The following RHOQ variants were observed in gnomAD, a reference collection of about 807,000 sequenced individuals.
RHOQ encodes ras homolog family member Q.
Under a neutral mutation model 25.8 loss-of-function variants are expected in RHOQ, and 7 were observed. That is an observed-to-expected ratio of 0.27 (90% CI 0.15 to 0.51). The LOEUF is 0.51. RHOQ is among the 20% of genes least tolerant of loss of function. The pLI is 0.97. For synonymous variants in RHOQ, 97 were observed against 98.6 expected (o/e 0.98, Z 0.10); for missense variants, 165 against 260.6 (o/e 0.63, Z 2.53).
chr2:46,543,148 C>T lies in RHOQ; in HGVS notation c.102C>T (p.Phe34=). Residue 34 remains phenylalanine (F), a synonymous_variant, in exon 1 of 5, where the codon TTC becomes TTT. Transcript: ENST00000238738. ...CLLMSYANDA[F]PEEYVPTVFD... The stretch of plus-strand genomic sequence containing the variant: ...TCATGAGCTATGCCAACGACGCCTT[C>T]CCGGAGGAGTACGTGCCCACCGTCT... 1 of 1,612,208 alleles carries T rather than the reference C, an allele frequency of 6.2e-7. No individual in the cohort carries two copies. The highest frequency in any genetic ancestry group is 1.1e-5 in the South Asian group (1 of 91,008).
rs1411410134 is a variant in RHOQ, at chr2:46,556,364, GTACA to G, written c.201+12553_201+12556del. 6.6e-6 allele frequency among the ~76,000 whole-genome samples: 1 copy of G among 152,104 alleles called. No homozygotes were observed. Among genetic ancestry groups the G allele is most frequent in the Non-Finnish European group, 1.5e-5 (1 of 68,032 alleles). ...TGGGGACTATTTTCAGGGTTTCAAGGTACAAAGTGAAGTTCTGCTAGTTGTGCAC... is the reference window on the plus strand; with the variant it reads ...TGGGGACTATTTTCAGGGTTTCAAGGAAGTGAAGTTCTGCTAGTTGTGCAC... On this transcript the variant is annotated intron_variant, in intron 2 of 4. Coordinates refer to ENST00000238738, the MANE Select transcript of RHOQ (RefSeq NM_012249.4). The surrounding 1 kb of genome is among the most constrained non-coding windows in gnomAD (Gnocchi z 4.9).
rs114389292 is a variant in RHOQ, at chr2:46,551,899, T to G, written c.201+8087T>G. Among the ~76,000 whole-genome samples, 1,487 of 152,248 alleles carry G rather than the reference T, an allele frequency of 9.8e-3. 38 individuals are homozygous for G. The highest frequency in any genetic ancestry group is 0.034 in the African/African-American group (1,408 of 41,546). On this transcript the variant is annotated intron_variant, in intron 2 of 4. Coordinates refer to ENST00000238738, the MANE Select transcript of RHOQ (RefSeq NM_012249.4). The stretch of plus-strand genomic sequence containing the variant: ...GAGTAAAGGAAGCCAGTGGTGGCTG[T>G]CTCATTTTGCAGATCTGGGGAGGTT...
chr2:46,548,775 G>A lies in RHOQ; in HGVS notation c.201+4963G>A, dbSNP rs1266422187. Among the ~76,000 whole-genome samples, 1 of 152,176 alleles carries A rather than the reference G, an allele frequency of 6.6e-6. No homozygotes were observed. Among genetic ancestry groups the A allele is most frequent in the Non-Finnish European group, 1.5e-5 (1 of 68,030 alleles). On this transcript the variant is annotated intron_variant, in intron 2 of 4. Transcript: ENST00000238738. The surrounding 1 kb of genome is among the most constrained non-coding windows in gnomAD (Gnocchi z 5.2). ...AACCTACTGTAGATTTGTCATGTGT[G>A]CATTTTGCTAACCTTTTTAGAAGCT... is the stretch of plus-strand genomic sequence containing the variant.
rs1668264981 is a variant in RHOQ, at chr2:46,552,229, TG to T, written c.201+8418del. On this transcript the variant is annotated intron_variant, in intron 2 of 4. Coordinates refer to ENST00000238738, the MANE Select transcript of RHOQ (RefSeq NM_012249.4). This position sits in a 1 kb window ranked among gnomAD's most constrained non-coding sequence, Gnocchi z 5.0. ...GCCCCACGTGACGTTACGGGTGTTT[TG>T]TCACTTTGTCCCTAAACCACCATGC... Among the ~76,000 whole-genome samples, 1 of 152,334 alleles carries T rather than the reference TG, an allele frequency of 6.6e-6. No individual in the cohort carries two copies. Among genetic ancestry groups the T allele is most frequent in the Middle Eastern group, 3.4e-3 (1 of 294 alleles).
At chr2:46,543,335 C>G (rs1667900359) in intron 1 of RHOQ, 147 bp downstream of exon 1, 2 of 817,656 alleles carry the variant, frequency 2.4e-6, no homozygotes, top group Non-Finnish European at 3.9e-6. Context: ...GCCCCACCCC[C>G]GAAGCTTCGC....
chr2:46,554,358 T>C (rs1196208371), intron 2 of RHOQ, among the ~76,000 whole-genome samples: 1 of 152,156 alleles, frequency 6.6e-6, no homozygotes, highest in Admixed American at 6.5e-5. Context: ...GCTCCATTAG[T>C]GTGCTATGTG....
Position 46,576,775 on chromosome 2 carries a change from A to C in RHOQ, c.462+119A>C. The C allele has an allele frequency of 1.4e-5, 9 of 639,420 alleles. No individual in the cohort carries two copies. Among genetic ancestry groups the C allele is most frequent in the Admixed American group, 3.3e-5 (1 of 30,740 alleles). 39.6% of individuals were successfully genotyped at this position (639,420 alleles called of 1,614,324 possible). ...TGGAGTGCTTTACATGCATTATCTC[A>C]TTTAATCCTTGCATGAACTCAGTGA... On this transcript the variant is annotated intron_variant, in intron 4 of 4. Transcript: ENST00000238738. The surrounding 1 kb of genome is among the most constrained non-coding windows in gnomAD (Gnocchi z 5.1).
intron 2 of RHOQ, chr2:46,572,718 T>A (rs1334435585): frequency 4.5e-6 from 2 of 443,654 alleles, no homozygotes; most frequent in Admixed American, 5.1e-5. Flanking sequence ...ATAATGGGTT[T>A]GTTAATTAGG....
intron 4 of RHOQ, among the ~76,000 whole-genome samples, chr2:46,578,058 A>C (rs561801317): frequency 3.3e-5 from 5 of 152,368 alleles, no homozygotes; most frequent in African/African-American, 1.2e-4. Context: ...AATCAGAAGC[A>C]GCCACAGATA....
intron 4 of RHOQ, among the ~76,000 whole-genome samples, chr2:46,577,773 GGAGGA>G (rs1669188685): frequency 1.3e-5 from 2 of 151,704 alleles, no homozygotes; most frequent in African/African-American, 4.8e-5. Flanking sequence ...AAAACTTTCT[GGAGGA>G]CAGTTTTTCC....
intron 2 of RHOQ, chr2:46,560,631 T>C (rs1409107749): frequency 1.1e-5 from 5 of 456,156 alleles, no homozygotes. Flanking sequence ...GGGTTTCCAG[T>C]GGCCAGGATC....
chr2:46,563,298 C>G (rs916676120), intron 2 of RHOQ, among the ~76,000 whole-genome samples: 6 of 152,190 alleles, frequency 3.9e-5, no homozygotes, highest in Admixed American at 3.9e-4. Context: ...CTTCTTTGAT[C>G]CTATTTCCTC....
intron 1 of RHOQ, chr2:46,543,448 C>G: frequency 3.3e-6 from 2 of 601,294 alleles, no homozygotes; most frequent in Non-Finnish European, 5.9e-6. Flanking sequence ...GGGCCGTCCT[C>G]CTTGACCTTC....
chr2:46,549,871 A>G (rs1668187594), intron 2 of RHOQ, among the ~76,000 whole-genome samples: 1 of 152,052 alleles, frequency 6.6e-6, no homozygotes, highest in Non-Finnish European at 1.5e-5. Flanking sequence ...TTTCTCTACC[A>G]TGTTGCAGTG....
rs773336938 is a variant in RHOQ, at chr2:46,583,714, A to G, written c.*2631A>G. Among the ~76,000 whole-genome samples, 11 of 152,220 alleles carry G rather than the reference A, an allele frequency of 7.2e-5. No individual in the cohort carries two copies. The highest frequency in any genetic ancestry group is 1.5e-4 in the Non-Finnish European group (10 of 68,012). On this transcript the variant is annotated 3_prime_UTR_variant, in exon 5 of 5. Transcript: ENST00000238738. ...CTTCATTCAAAGCTTAGGCTTCAATAGAAATTCAGACTAATCACTGAAATG... is the reference window on the plus strand; with the variant it reads ...CTTCATTCAAAGCTTAGGCTTCAATGGAAATTCAGACTAATCACTGAAATG...
chr2:46,567,449 A>G (rs1484967258), intron 2 of RHOQ, among the ~76,000 whole-genome samples: 1 of 150,362 alleles, frequency 6.7e-6, no homozygotes, highest in Non-Finnish European at 1.5e-5. Flanking sequence ...GCTGGAGTGC[A>G]GTGGCATGAT....
rs1181100841 is a variant in RHOQ, at chr2:46,556,366, A to G, written c.201+12554A>G. On this transcript the variant is annotated intron_variant, in intron 2 of 4. Coordinates refer to ENST00000238738, the MANE Select transcript of RHOQ (RefSeq NM_012249.4). The surrounding 1 kb of genome is among the most constrained non-coding windows in gnomAD (Gnocchi z 4.9). ...GGGACTATTTTCAGGGTTTCAAGGTACAAAGTGAAGTTCTGCTAGTTGTGC... is the reference window on the plus strand; with the variant it reads ...GGGACTATTTTCAGGGTTTCAAGGTGCAAAGTGAAGTTCTGCTAGTTGTGC... 6.6e-6 allele frequency among the ~76,000 whole-genome samples: 1 copy of G among 152,094 alleles called. No individual in the cohort carries two copies. The highest frequency in any genetic ancestry group is 2.4e-5 in the African/African-American group (1 of 41,388).
intron 2 of RHOQ, among the ~76,000 whole-genome samples, chr2:46,554,366 G>GT (rs1444023796): frequency 1.3e-5 from 2 of 152,200 alleles, no homozygotes; most frequent in Non-Finnish European, 2.9e-5. Context: ...AGTGTGCTAT[G>GT]TGGCCTAGGG....
intron 2 of RHOQ, among the ~76,000 whole-genome samples, chr2:46,561,367 G>C (rs1339471746): frequency 6.6e-6 from 1 of 152,068 alleles, no homozygotes; most frequent in Non-Finnish European, 1.5e-5. Context: ...GCCAAGAAAA[G>C]AGCACAGAAA....
Sources: allele counts gnomAD v4.1 joint callset (sites outside exome capture counted in the v4.1 genomes callset), GRCh38; gene constraint gnomAD v4.1.1; non-coding constraint Gnocchi (gnomAD v3.1); transcripts MANE v1.5; gene names NCBI Gene and HGNC (gene_info 2026-07-23, HGNC 2026-07-21).